Variants in CDH18 observed in about 807,000 individuals in gnomAD.
The protein encoded by CDH18 is cadherin-18.
In CDH18, 31 loss-of-function variants were observed where a neutral mutation model predicts 67.9. That is an observed-to-expected ratio of 0.46 (90% CI 0.34 to 0.62). The LOEUF (loss-of-function observed/expected upper bound fraction) is 0.62. CDH18 is among the 20% of genes least tolerant of loss of function. CDH18 has a pLI of 0.01. For missense variants in CDH18, 890 were observed against 975.5 expected (o/e 0.91, Z 1.17); for synonymous variants, 362 against 347.2 (o/e 1.04, Z -0.48).
At chr5:20,203,274 C>T (rs1255667971) in intron 2 of CDH18, among the ~76,000 whole-genome samples, 1 of 152,146 alleles carries the variant, frequency 6.6e-6, no homozygotes, top group African/African-American at 2.4e-5. Context: ...TATATCTGAG[C>T]ACAACCAGAG....
At chr5:19,938,694 T>C (rs1794526867) in intron 2 of CDH18, among the ~76,000 whole-genome samples, 1 of 151,472 alleles carries the variant, frequency 6.6e-6, no homozygotes, top group Non-Finnish European at 1.5e-5. Context: ...TTTTAGATGA[T>C]GTTGACCAAA....
intron 1 of CDH18, among the ~76,000 whole-genome samples, chr5:20,292,696 G>A (rs904969386): frequency 7.9e-5 from 12 of 152,052 alleles, no homozygotes; most frequent in African/African-American, 2.9e-4. Context: ...CTAGCTCCTG[G>A]TTTTGCTATC....
intron 5 of CDH18, among the ~76,000 whole-genome samples, chr5:19,633,934 T>A (rs1752753500): frequency 6.6e-6 from 1 of 152,192 alleles, no homozygotes; most frequent in Non-Finnish European, 1.5e-5. Context: ...TCCTGGCCAC[T>A]GCCAAACCTT....
intron 5 of CDH18, among the ~76,000 whole-genome samples, chr5:19,639,075 T>G (rs1753662678): frequency 6.9e-6 from 1 of 145,274 alleles, no homozygotes; most frequent in Admixed American, 7.2e-5. Context: ...CGATCTCGGC[T>G]CACTGCAAGC....
At chr5:19,913,753 A>G (rs1484806859) in intron 2 of CDH18, among the ~76,000 whole-genome samples, 1 of 152,122 alleles carries the variant, frequency 6.6e-6, no homozygotes, top group Admixed American at 6.6e-5. Context: ...ACTCTAGAGA[A>G]GCATCTGAAA....
intron 1 of CDH18, among the ~76,000 whole-genome samples, chr5:20,543,470 C>T (rs1340273414): frequency 6.6e-6 from 1 of 151,982 alleles, no homozygotes; most frequent in Non-Finnish European, 1.5e-5. Context: ...TTTTGCCACT[C>T]CTTCTCTGCT....
chr5:20,418,161 C>T (rs547264648), intron 1 of CDH18, among the ~76,000 whole-genome samples: 2 of 150,980 alleles, frequency 1.3e-5, no homozygotes, highest in Non-Finnish European at 2.9e-5. Context: ...CCGCAACCTC[C>T]GCCGCTGGGG....
intron 1 of CDH18, among the ~76,000 whole-genome samples, chr5:20,388,487 C>A (rs1214333467): frequency 1.3e-5 from 2 of 151,996 alleles, no homozygotes; most frequent in Admixed American, 6.6e-5. Flanking sequence ...TGCTAGTGGT[C>A]TATCAATTTT....
chr5:19,651,064 A>G (rs971695148), intron 5 of CDH18, among the ~76,000 whole-genome samples: 7 of 152,104 alleles, frequency 4.6e-5, no homozygotes, highest in African/African-American at 1.7e-4. Context: ...GCTTTGTTTT[A>G]ATATATTTTT....
upstream of CDH18, chr5:19,991,950 G>A (rs1328600940): frequency 6.6e-6 from 1 of 151,276 alleles, no homozygotes; most frequent in Non-Finnish European, 1.5e-5. Flanking sequence ...CCCAGGAGGT[G>A]GAGGTTGCAA....
intron 1 of CDH18, among the ~76,000 whole-genome samples, chr5:20,281,479 T>G (rs1418196948): frequency 1.3e-5 from 2 of 152,110 alleles, no homozygotes; most frequent in Non-Finnish European, 2.9e-5. Flanking sequence ...TTTCCCTATT[T>G]CTTGTTTTTG....
chr5:20,305,521 G>A (rs1250972416), intron 1 of CDH18: 11 of 929,408 alleles, frequency 1.2e-5, no homozygotes, highest in Non-Finnish European at 1.9e-5. Flanking sequence ...GGGCGCAGCG[G>A]CGCAGGGGTC....
intron 2 of CDH18, among the ~76,000 whole-genome samples, chr5:19,962,715 G>T (rs1797046456): frequency 6.6e-6 from 1 of 152,054 alleles, no homozygotes; most frequent in African/African-American, 2.4e-5. Flanking sequence ...GGCGGAGGTT[G>T]CAGTGAACCG....
intron 2 of CDH18, among the ~76,000 whole-genome samples, chr5:20,242,620 A>ACATACATATATATATACATG (rs1554106663): frequency 1.5e-5 from 1 of 68,880 alleles, no homozygotes. Context: ...AAATATATAT[A>ACATACATATATATATACATG]TATATATATA....
chr5:20,025,514 G>A (rs967674667), intron 2 of CDH18, among the ~76,000 whole-genome samples: 1 of 151,914 alleles, frequency 6.6e-6, no homozygotes, highest in African/African-American at 2.4e-5. Flanking sequence ...ATATAAATTA[G>A]CTTCATATAC....
intron 2 of CDH18, among the ~76,000 whole-genome samples, chr5:19,842,958 A>G (rs1733991596): frequency 6.6e-6 from 1 of 152,156 alleles, no homozygotes; most frequent in South Asian, 2.1e-4. Context: ...GGAACTTTGA[A>G]CTTGAGAGAG....
At chr5:20,404,891 C>A (rs1187160483) in intron 1 of CDH18, among the ~76,000 whole-genome samples, 1 of 152,122 alleles carries the variant, frequency 6.6e-6, no homozygotes, top group East Asian at 1.9e-4. Flanking sequence ...GGTATGACTG[C>A]ACCCACTGGC....
intron 1 of CDH18, among the ~76,000 whole-genome samples, chr5:20,429,722 T>C (rs1250109911): frequency 6.6e-6 from 1 of 152,182 alleles, no homozygotes; most frequent in Non-Finnish European, 1.5e-5. Flanking sequence ...ACATATGTGT[T>C]ATTTTTGCAG....
At chr5:19,922,138 T>A (rs1350931084) in intron 2 of CDH18, among the ~76,000 whole-genome samples, 1 of 152,192 alleles carries the variant, frequency 6.6e-6, no homozygotes, top group Non-Finnish European at 1.5e-5. Context: ...TCAAAATGAA[T>A]CTCAGTTTGT....
Sources: allele counts gnomAD v4.1 joint callset (sites outside exome capture counted in the v4.1 genomes callset), GRCh38; gene constraint gnomAD v4.1.1; transcripts MANE v1.5; gene names NCBI Gene and HGNC (gene_info 2026-07-23, HGNC 2026-07-21).